MTSS1: variants seen among roughly 807,000 people sequenced by gnomAD.
MTSS1 encodes MTSS I-BAR domain containing 1.
Under a neutral mutation model 79.0 loss-of-function variants are expected in MTSS1, and 18 were observed. That is an observed-to-expected ratio of 0.23 (90% CI 0.16 to 0.34). The LOEUF (loss-of-function observed/expected upper bound fraction) is 0.34. Ranked by LOEUF, MTSS1 falls within the 10% of genes least tolerant of loss-of-function variation. The pLI is 1.00. For synonymous variants in MTSS1, 341 were observed against 368.6 expected (o/e 0.93, Z 0.86); for missense variants, 815 against 986.2 (o/e 0.83, Z 2.33).
At chr8:124,592,471 AT>A (rs1440545295) in intron 3 of MTSS1, among the ~76,000 whole-genome samples, 3 of 152,200 alleles carry the variant, frequency 2.0e-5, no homozygotes, top group Admixed American at 6.5e-5. Flanking sequence ...AGGTTTAACC[AT>A]GTTGAATTGG....
At chr8:124,697,878 T>G (rs1829103581) in intron 3 of MTSS1, among the ~76,000 whole-genome samples, 1 of 152,196 alleles carries the variant, frequency 6.6e-6, no homozygotes, top group African/African-American at 2.4e-5. Context: ...TGTGTCACAT[T>G]CTCCAAGGGA....
Position 124,563,005 on chromosome 8 carries a change from A to C in MTSS1, c.825-13T>G. 6.3e-7 allele frequency: 1 copy of C among 1,594,634 alleles called. No homozygotes were observed. The highest frequency in any genetic ancestry group is 1.1e-5 in the South Asian group (1 of 88,496). On this transcript the variant is annotated splice_polypyrimidine_tract_variant and intron_variant, in intron 9 of 13. Coordinates refer to ENST00000518547, the MANE Select transcript of MTSS1 (RefSeq NM_014751.6). The stretch of plus-strand genomic sequence containing the variant: ...ACTGTTCAGGCTGCTGTGGAGGACA[A>C]GCAGGGGTGAGGGGTGGGCACGGAA...
intron 3 of MTSS1, chr8:124,619,184 A>G (rs1301511993): frequency 6.6e-6 from 1 of 152,226 alleles, no homozygotes; most frequent in Non-Finnish European, 1.5e-5. Context: ...ACTTCAGGTG[A>G]CAGGCGTCCC....
At chr8:124,651,850 C>T (rs747293555) in intron 3 of MTSS1, among the ~76,000 whole-genome samples, 7 of 152,140 alleles carry the variant, frequency 4.6e-5, no homozygotes, top group Non-Finnish European at 5.9e-5. Context: ...AGCTGCCAGG[C>T]GTGCTCCCCT....
At chr8:124,719,182 A>C (rs1832557328) in intron 1 of MTSS1, among the ~76,000 whole-genome samples, 1 of 152,214 alleles carries the variant, frequency 6.6e-6, no homozygotes, top group Non-Finnish European at 1.5e-5. Context: ...TAGCTGTATG[A>C]CATGGGCAAA....
At position 124,623,662 on chromosome 8, in the gene MTSS1, C is replaced by A. The variant is rs190947306; in HGVS notation, c.209-32427G>T. Among the ~76,000 whole-genome samples, 8 of 152,290 alleles carry A rather than the reference C, an allele frequency of 5.3e-5. No homozygotes were observed. The East Asian group carries it at 1.5e-3, about 29-fold the overall frequency. On this transcript the variant is annotated intron_variant, in intron 3 of 13. Transcript: ENST00000518547. ...TTGTTTGTTTGTTTTGAGACAGGGT[C>A]TTGCTCTGTCACCCAGGCTGGAGTG... is the stretch of plus-strand genomic sequence containing the variant.
At position 124,657,266 on chromosome 8, in the gene MTSS1, G is replaced by A. The variant is rs529383348; in HGVS notation, c.208+42260C>T. 1.1e-4 allele frequency among the ~76,000 whole-genome samples: 16 copies of A among 152,156 alleles called. No individual in the cohort carries two copies. In the South Asian group the frequency reaches 3.3e-3, roughly 32 times the overall value. ...GGACACAAAAAGGGGTTGGGCTGGG[G>A]GGCAACATGTCTGAAAATAAGAACA... On this transcript the variant is annotated intron_variant, in intron 3 of 13. Transcript: ENST00000518547.
intron 1 of MTSS1, among the ~76,000 whole-genome samples, chr8:124,705,885 C>T (rs539498570): frequency 3.3e-5 from 5 of 152,324 alleles, no homozygotes; most frequent in East Asian, 1.9e-4. Context: ...TAGATGCCAG[C>T]GTTCCCCCAC....
intron 3 of MTSS1, among the ~76,000 whole-genome samples, chr8:124,668,109 G>C (rs965463322): frequency 1.3e-5 from 2 of 152,052 alleles, no homozygotes; most frequent in African/African-American, 4.8e-5. Context: ...AAGTCTCCAA[G>C]GCTTTCACCT....
chr8:124,709,959 T>C (rs544575846), intron 1 of MTSS1, among the ~76,000 whole-genome samples: 2 of 152,360 alleles, frequency 1.3e-5, no homozygotes, highest in African/African-American at 4.8e-5. Context: ...TATCACATCA[T>C]ACAGTTTGCT....
At position 124,582,745 on chromosome 8, in the gene MTSS1, C is replaced by T. The variant is rs1330772820; in HGVS notation, c.460+2342G>A. ...CCACTTGAAGGAGATGAAACAGATC[C>T]CTCGAGGTGTTCTAGTAGAAAGGGA... On this transcript the variant is annotated intron_variant, in intron 6 of 13. Transcript: ENST00000518547. The surrounding 1 kb of genome is among the most constrained non-coding windows in gnomAD (Gnocchi z 4.8). Among the ~76,000 whole-genome samples, 1 of 152,182 alleles carries T rather than the reference C, an allele frequency of 6.6e-6. No homozygotes were observed. The highest frequency in any genetic ancestry group is 1.5e-5 in the Non-Finnish European group (1 of 68,034).
chr8:124,665,735 C>T (rs577776270), intron 3 of MTSS1, among the ~76,000 whole-genome samples: 99 of 152,228 alleles, frequency 6.5e-4, no homozygotes, highest in African/African-American at 2.1e-3. Context: ...GGCGTGGTGG[C>T]GCATGCCTGT....
intron 3 of MTSS1, among the ~76,000 whole-genome samples, chr8:124,623,352 G>A (rs1186825453): frequency 6.6e-6 from 1 of 152,196 alleles, no homozygotes; most frequent in African/African-American, 2.4e-5. Context: ...CCACCTTTGT[G>A]AGCAGCAACA....
chr8:124,681,041 G>A (rs761936357), intron 3 of MTSS1, among the ~76,000 whole-genome samples: 7 of 152,136 alleles, frequency 4.6e-5, no homozygotes, highest in Admixed American at 2.0e-4. Flanking sequence ...ATAGCCCAGA[G>A]TAGAGAGGGT....
intron 3 of MTSS1, among the ~76,000 whole-genome samples, chr8:124,663,492 A>G (rs1419784085): frequency 6.6e-6 from 1 of 151,958 alleles, no homozygotes; most frequent in South Asian, 2.1e-4. Flanking sequence ...TCATCAGCCC[A>G]GAACCCCCAC....
chr8:124,711,402 G>A (rs141787122), intron 1 of MTSS1, among the ~76,000 whole-genome samples: 3 of 152,308 alleles, frequency 2.0e-5, no homozygotes, highest in Non-Finnish European at 1.5e-5. Context: ...AGAGGTTGGA[G>A]CAGAGAGCTC....
intron 3 of MTSS1, among the ~76,000 whole-genome samples, chr8:124,694,245 T>A (rs781732965): frequency 1.8e-4 from 28 of 152,002 alleles, no homozygotes; most frequent in Non-Finnish European, 3.7e-4. Flanking sequence ...TCCCTCTTAG[T>A]CAGCACTGGC....
At chr8:124,575,588 T>C (rs1468952618) in intron 6 of MTSS1, among the ~76,000 whole-genome samples, 1 of 151,866 alleles carries the variant, frequency 6.6e-6, no homozygotes, top group Non-Finnish European at 1.5e-5. Flanking sequence ...GTTGTTGTTG[T>C]TTGTTTGTTT....
At chr8:124,638,234 T>A (rs189121693) in intron 3 of MTSS1, among the ~76,000 whole-genome samples, 2 of 152,334 alleles carry the variant, frequency 1.3e-5, no homozygotes, top group East Asian at 3.9e-4. Flanking sequence ...ATCACAGAGA[T>A]CCAAGGAAAT....
Sources: allele counts gnomAD v4.1 joint callset (sites outside exome capture counted in the v4.1 genomes callset), GRCh38; gene constraint gnomAD v4.1.1; non-coding constraint Gnocchi (gnomAD v3.1); transcripts MANE v1.5; gene names NCBI Gene and HGNC (gene_info 2026-07-23, HGNC 2026-07-21).